Variants in RNF213 observed in about 807,000 individuals in gnomAD.
RNF213 encodes E3 ubiquitin-protein ligase RNF213.
In RNF213, 341 loss-of-function variants were observed where a neutral mutation model predicts 514.4. The ratio of observed to expected loss-of-function variants is 0.66; its 90% CI spans 0.61 to 0.73. RNF213 has a LOEUF of 0.73. Ranked by LOEUF, RNF213 falls within the 30% of genes least tolerant of loss-of-function variation. The pLI is 0.00. For synonymous variants in RNF213, 2,655 were observed against 2,658.2 expected (o/e 1.00, Z 0.04); for missense variants, 5,767 against 6,615.6 (o/e 0.87, Z 4.45).
chr17:80,305,300 T>C (rs1183341819), intron 11 of RNF213, among the ~76,000 whole-genome samples: 1 of 151,032 alleles, frequency 6.6e-6, no homozygotes, highest in East Asian at 2.0e-4. Flanking sequence ...TGCCTCAGCC[T>C]CCCAAGTAGC....
rs2078353170 is a variant in RNF213 at position 80,347,519 on chromosome 17, G to A, written c.9184G>A (p.Gly3062Arg). Reference protein sequence around the residue: ...LQILQQTFFEGDQQPEIIFGS... With the variant: ...LQILQQTFFERDQQPEIIFGS... ...GATCCTGCAGCAGACATTCTTCGAG[G>A]GGGACCAGCAGCCGGAGATTATTTT... The change falls in exon 29 of 68, where the codon GGG becomes AGG. Residue 3062 changes from glycine (G) to arginine (R), a missense_variant. This residue lies in a region of RNF213 where 919 missense variants were observed against 1,121.0 expected (regional missense o/e 0.82). Transcript: ENST00000582970. The surrounding 1 kb of genome is among the most constrained non-coding windows in gnomAD (Gnocchi z 7.2). 6.2e-7 allele frequency: 1 copy of A among 1,613,992 alleles called. No homozygotes were observed.
At chr17:80,326,245 C>T (rs1194272645) in intron 18 of RNF213, among the ~76,000 whole-genome samples, 3 of 152,214 alleles carry the variant, frequency 2.0e-5, no homozygotes, top group Admixed American at 6.5e-5. Context: ...CTGCCTCAGC[C>T]TCCCAAGTGG....
At chr17:80,277,572 TG>T (rs2044111804) in intron 3 of RNF213, among the ~76,000 whole-genome samples, 1 of 123,992 alleles carries the variant, frequency 8.1e-6, no homozygotes, top group Non-Finnish European at 1.6e-5. Context: ...CACTCCAGCC[TG>T]GGCGACAGTG....
chr17:80,351,827 G>GTATT, intron 32 of RNF213, 24 bp downstream of exon 32: 1 of 1,184,188 alleles, frequency 8.4e-7, no homozygotes, highest in Non-Finnish European at 1.3e-6. Context: ...ATCAGTCAGG[G>GTATT]TATTTATTTA....
Position 80,396,999 on chromosome 17 carries a change from G to C in RNF213, c.*3501G>C, listed in dbSNP as rs537797769. On this transcript the variant is annotated 3_prime_UTR_variant, in exon 68 of 68. Transcript: ENST00000582970. Reference sequence around the variant, plus strand: ...CCCCTCACACCTAAACTTACTATAAGGGTCCTACCTTCCCCAGTATTCCTT... The same window carrying C: ...CCCCTCACACCTAAACTTACTATAACGGTCCTACCTTCCCCAGTATTCCTT... 6.6e-6 allele frequency: 1 copy of C among 152,186 alleles called. No individual in the cohort carries two copies. Among genetic ancestry groups the C allele is most frequent in the Non-Finnish European group, 1.5e-5 (1 of 68,108 alleles). 9.4% of individuals were successfully genotyped at this position (152,186 alleles called of 1,614,324 possible).
At chr17:80,287,702 T>C in intron 3 of RNF213, 113 bp from the exon 4 acceptor site, 1 of 1,070,700 alleles carries the variant, frequency 9.3e-7, no homozygotes, top group Non-Finnish European at 1.4e-6. Flanking sequence ...GTTAGGTACT[T>C]TGGTCGAGCC....
Position 80,309,138 on chromosome 17 carries a change from T to C in RNF213, c.2622T>C (p.Ile874=), listed in dbSNP as rs753481856. The C allele has an allele frequency of 6.2e-7, 1 of 1,614,220 alleles. No individual in the cohort carries two copies. Among genetic ancestry groups the C allele is most frequent in the Admixed American group, 1.7e-5 (1 of 60,022 alleles). ...AGCTGCCAGCCTTATCTGCCGAGATTGTCTGCAGAATGATTAGACTTCTAT... is the reference window on the plus strand; with the variant it reads ...AGCTGCCAGCCTTATCTGCCGAGATCGTCTGCAGAATGATTAGACTTCTAT... ...FYELPALSAE[I]VCRMIRLLSL... The change falls in exon 14 of 68, where the codon ATT becomes ATC. Residue 874 remains isoleucine (I), a synonymous_variant. Transcript: ENST00000582970.
At position 80,317,647 on chromosome 17, in the gene RNF213, T is replaced by C. The variant is rs2045992188; in HGVS notation, c.2901+370T>C. ...GCATCTGGCCAGCTGCTTTGGGAGC[T>C]GGCAGGAGCAAGCTCCGTGCAGGCC... On this transcript the variant is annotated intron_variant, in intron 16 of 67. Coordinates refer to ENST00000582970, the MANE Select transcript of RNF213 (RefSeq NM_001256071.3). This position sits in a 1 kb window ranked among gnomAD's most constrained non-coding sequence, Gnocchi z 4.1. 6.6e-6 allele frequency among the ~76,000 whole-genome samples: 1 copy of C among 152,124 alleles called. No individual in the cohort carries two copies. Among genetic ancestry groups the C allele is most frequent in the African/African-American group, 2.4e-5 (1 of 41,424 alleles).
At chr17:80,373,228 C>G (rs2079589724) in intron 49 of RNF213, 63 bp downstream of exon 49, 1 of 1,449,072 alleles carries the variant, frequency 6.9e-7, no homozygotes, top group Non-Finnish European at 9.3e-7. Context: ...ACCCCAAACC[C>G]ACACACCCCC....
chr17:80,319,804 G>C, intron 17 of RNF213: 1 of 1,221,094 alleles, frequency 8.2e-7, no homozygotes, highest in Non-Finnish European at 1.0e-6. Context: ...GAACAGTCTC[G>C]CAGGCAATGC....
rs376874221 is a variant in RNF213, at chr17:80,348,169, C to T, written c.9834C>T (p.Phe3278=). ...VRLSAYSLGG[F]AAEWLSQEYF... ...TGAGCGCCTACTCGCTGGGCGGGTT[C>T]GCAGCGGAGTGGCTGTCGCAGGAGT... is the stretch of plus-strand genomic sequence containing the variant. The change falls in exon 29 of 68, where the codon TTC becomes TTT. Residue 3278 remains phenylalanine (F), a synonymous_variant. Transcript: ENST00000582970. 69 of 1,614,046 alleles carry T rather than the reference C, an allele frequency of 4.3e-5. 1 individual carries two copies. Among genetic ancestry groups the T allele is most frequent in the South Asian group, 3.4e-4 (31 of 91,090 alleles).
chr17:80,359,685 TAA>T (rs2078981894), intron 37 of RNF213, among the ~76,000 whole-genome samples: 1 of 152,136 alleles, frequency 6.6e-6, no homozygotes, highest in Non-Finnish European at 1.5e-5. Context: ...AACACTTATT[TAA>T]AAGACAAGGC....
At chr17:80,369,946 T>C in intron 46 of RNF213, 79 bp downstream of exon 46, 2 of 967,442 alleles carry the variant, frequency 2.1e-6, no homozygotes, top group South Asian at 1.3e-5. Flanking sequence ...CCAAGTCTTC[T>C]TGTCGTGACT....
In RNF213 at chr17:80,375,834, C is replaced by T. The variant is rs1190106390; in HGVS notation, c.13149C>T (p.Tyr4383=). Residue 4383 remains tyrosine, a synonymous_variant, in exon 51 of 68, where the codon TAC becomes TAT. Transcript: ENST00000582970. ...LTLFREVAIL[Y]RSHNASLHPT... ...TGTTTAGAGAGGTGGCTATTTTGTA[C>T]AGATCCCACAATGCAAGCCTCCACC... 4 of 1,614,062 alleles carry T rather than the reference C, an allele frequency of 2.5e-6. No individual in the cohort carries two copies. Among genetic ancestry groups the T allele is most frequent in the Non-Finnish European group, 3.4e-6 (4 of 1,179,916 alleles).
chr17:80,377,266 G>A lies in RNF213; in HGVS notation c.13510+303G>A, dbSNP rs1599179203. 2 of 446,942 alleles carry A rather than the reference G, an allele frequency of 4.5e-6. No individual in the cohort carries two copies. The highest frequency in any genetic ancestry group is 6.6e-4 in the Middle Eastern group (1 of 1,506). The allele number at this position is 446,942 out of a possible 1,614,324, so 27.7% of individuals were successfully genotyped here. A position where few individuals can be genotyped will look rare whatever the true frequency, so the allele number is the denominator to read the frequency against. On this transcript the variant is annotated intron_variant, in intron 53 of 67. Coordinates refer to ENST00000582970, the MANE Select transcript of RNF213 (RefSeq NM_001256071.3). This position sits in a 1 kb window ranked among gnomAD's most constrained non-coding sequence, Gnocchi z 4.1. ...AGGGACTGGGAACCACATCAGAGACGCATTCAAAGGCCCACCACAAAACAA... is the reference window on the plus strand; with the variant it reads ...AGGGACTGGGAACCACATCAGAGACACATTCAAAGGCCCACCACAAAACAA...
In RNF213 at chr17:80,263,808, G is replaced by C. The variant is rs375351035; in HGVS notation, c.97+30G>C. On this transcript the variant is annotated intron_variant, in intron 2 of 67. Transcript: ENST00000582970. This position sits in a 1 kb window ranked among gnomAD's most constrained non-coding sequence, Gnocchi z 4.9. ...GGCCCAGGGGTGCTGGTGGAGGCTG[G>C]GGCAGTGGGGACCCCTGGAGATGTC... The C allele has an allele frequency of 3.4e-5, 55 of 1,596,786 alleles. No individual in the cohort carries two copies. The East Asian group carries it at 3.8e-4, about 11-fold the overall frequency.
chr17:80,389,220 G>A lies in RNF213; in HGVS notation c.15048G>A (p.Gln5016=). The change falls in exon 65 of 68, where the codon CAG becomes CAA. Residue 5016 remains glutamine (Q), a synonymous_variant. Transcript: ENST00000582970. ...TTAGTGCCATCAGTGGACAGCTGCA[G>A]TCCTACAGCGATGCCTGTGAAGTGC... ...SVISAISGQL[Q]SYSDACEVLS... is the part of the protein sequence containing the mutation. 6.2e-7 allele frequency: 1 copy of A among 1,614,228 alleles called. No individual in the cohort carries two copies. The highest frequency in any genetic ancestry group is 8.5e-7 in the Non-Finnish European group (1 of 1,180,026).
At chr17:80,372,149 T>C (rs1306148666) in intron 47 of RNF213, among the ~76,000 whole-genome samples, 164 bp downstream of exon 47, 1 of 152,260 alleles carries the variant, frequency 6.6e-6, no homozygotes, top group African/African-American at 2.4e-5. Flanking sequence ...CAGCAACGTA[T>C]ATTTTGGCAT....
chr17:80,293,792 A>G (rs1003677684), intron 8 of RNF213, among the ~76,000 whole-genome samples: 29 of 151,850 alleles, frequency 1.9e-4, no homozygotes, highest in Admixed American at 5.2e-4. Flanking sequence ...GTGCCACTGC[A>G]CTCCAGCCTG....
Sources: allele counts gnomAD v4.1 joint callset (sites outside exome capture counted in the v4.1 genomes callset), GRCh38; gene constraint gnomAD v4.1.1; regional missense constraint gnomAD v4.1.1; non-coding constraint Gnocchi (gnomAD v3.1); transcripts MANE v1.5; gene names NCBI Gene and HGNC (gene_info 2026-07-23, HGNC 2026-07-21).